Variants in GAB4 observed in about 807,000 individuals in gnomAD.
GAB4 encodes the protein GRB2-associated-binding protein 4.
A neutral mutation model predicts 51.3 loss-of-function variants in GAB4; 26 were observed. The observed-to-expected ratio is 0.51, with a 90% CI of 0.37 to 0.70. GAB4 has a LOEUF of 0.70. Ranked by LOEUF, GAB4 falls within the 30% of genes least tolerant of loss-of-function variation. GAB4 has a pLI of 0.00. For missense variants in GAB4, 759 were observed against 734.6 expected (o/e 1.03, Z -0.38); for synonymous variants, 329 against 291.2 (o/e 1.13, Z -1.32).
Position 16,965,381 on chromosome 22 carries a change from C to G in GAB4, c.1289-113G>C, listed in dbSNP as rs144881658. 3.7e-4 allele frequency: 284 copies of G among 775,924 alleles called. No individual in the cohort carries two copies. In the African/African-American group the frequency reaches 4.6e-3, roughly 12 times the overall value. 48.1% of individuals were successfully genotyped at this position (775,924 alleles called of 1,614,324 possible). On this transcript the variant is annotated intron_variant, in intron 6 of 9. Coordinates refer to ENST00000400588, the MANE Select transcript of GAB4 (RefSeq NM_001037814.1). ...GGCCCACCCCGTCCACCCAGTCCAC[C>G]CAGCTGTGTGCGGGGGACTGAGGCT...
Position 17,005,894 on chromosome 22 carries a change from G to A in GAB4, c.174+2047C>T, listed in dbSNP as rs143411295. ...GTCAAGATGGATTAAAGACTTAAAC[G>A]TAAGACCTAAAACCATAGAAACCTT... On this transcript the variant is annotated intron_variant, in intron 1 of 9. Coordinates refer to ENST00000400588, the MANE Select transcript of GAB4 (RefSeq NM_001037814.1). Among the ~76,000 whole-genome samples the A allele has an allele frequency of 2.6e-4, 39 of 152,242 alleles. No individual in the cohort carries two copies. The South Asian group carries it at 5.8e-3, about 23-fold the overall frequency.
intron 1 of GAB4, among the ~76,000 whole-genome samples, chr22:16,998,059 T>C (rs1171329849): frequency 1.3e-5 from 2 of 152,224 alleles, no homozygotes; most frequent in Non-Finnish European, 2.9e-5. Flanking sequence ...CCTTGTAGTA[T>C]AGTTTGAAGT....
At chr22:16,987,337 G>C (rs140217075) in intron 3 of GAB4, among the ~76,000 whole-genome samples, 50 of 152,310 alleles carry the variant, frequency 3.3e-4, no homozygotes, top group Non-Finnish European at 5.9e-4. Flanking sequence ...CCCTGTGTGA[G>C]AGCCAGTGGT....
chr22:17,002,793 T>C (rs1189138753), intron 1 of GAB4, among the ~76,000 whole-genome samples: 2 of 152,160 alleles, frequency 1.3e-5, no homozygotes, highest in African/African-American at 4.8e-5. Flanking sequence ...GACCTGTACA[T>C]TGTGCACACG....
chr22:16,962,558 G>A lies in GAB4; in HGVS notation c.*175C>T, dbSNP rs1440255656. On this transcript the variant is annotated 3_prime_UTR_variant, in exon 10 of 10. Transcript: ENST00000400588. ...CTGCTCCTAGCAAGGGGGTGAAGGT[G>A]GGGACCATGGCCAGCCAAAGGCACA... 2.1e-6 allele frequency: 1 copy of A among 481,008 alleles called. No individual in the cohort carries two copies. Among genetic ancestry groups the A allele is most frequent in the Non-Finnish European group, 3.5e-6 (1 of 282,840 alleles). 29.8% of individuals were successfully genotyped at this position (481,008 alleles called of 1,614,324 possible).
Position 16,964,752 on chromosome 22 carries a change from C to A in GAB4, c.1476+14G>T, listed in dbSNP as rs761783313. 2.3e-5 allele frequency: 36 copies of A among 1,568,296 alleles called. No individual in the cohort carries two copies. In the South Asian group the frequency reaches 3.2e-4, roughly 14 times the overall value. On this transcript the variant is annotated intron_variant, in intron 8 of 9. Transcript: ENST00000400588. ...ACTCTGATAGGAGCCTTACAGTGAC[C>A]CCCAAGGACTCACCGGGAAAAGATA...
chr22:16,981,767 G>T (rs187340138), intron 3 of GAB4, among the ~76,000 whole-genome samples: 124 of 152,162 alleles, frequency 8.1e-4, no homozygotes, highest in Admixed American at 1.4e-3. Flanking sequence ...CTCATCCTAT[G>T]AAGCACTATC....
At chr22:17,002,107 T>C (rs58051404) in intron 1 of GAB4, among the ~76,000 whole-genome samples, 2,487 of 152,222 alleles carry the variant, frequency 0.016, 68 homozygotes, top group African/African-American at 0.057. Context: ...CCCCTTGTGC[T>C]TCCCGGGTGA....
chr22:16,968,238 T>C (rs979287921), intron 5 of GAB4, 60 bp downstream of exon 5: 13 of 1,148,410 alleles, frequency 1.1e-5, no homozygotes, highest in Middle Eastern at 1.9e-4. Context: ...TTTAGTTCCA[T>C]GGAGTGTGAC....
chr22:16,980,354 T>G (rs1009456641), intron 3 of GAB4, among the ~76,000 whole-genome samples: 5 of 151,814 alleles, frequency 3.3e-5, no homozygotes, highest in African/African-American at 1.2e-4. Context: ...GGCCAAAGGA[T>G]AATAGACACT....
intron 1 of GAB4, among the ~76,000 whole-genome samples, chr22:16,997,495 T>A (rs1395834895): frequency 6.6e-6 from 1 of 152,158 alleles, no homozygotes; most frequent in Non-Finnish European, 1.5e-5. Context: ...GGTGTTGATT[T>A]TTTCTTGTAA....
At position 16,965,253 on chromosome 22, in the gene GAB4, G is replaced by A; in HGVS notation, c.1304C>T (p.Pro435Leu). The A allele has an allele frequency of 6.2e-7, 1 of 1,613,958 alleles. No homozygotes were observed. The highest frequency in any genetic ancestry group is 1.1e-5 in the South Asian group (1 of 91,050). The change falls in exon 7 of 10, where the codon CCC becomes CTC. Residue 435 changes from proline (P) to leucine (L), a missense_variant. By Grantham distance (98) the Pro-to-Leu change is moderately conservative. This residue lies in a region of GAB4 where 588 missense variants were observed against 510.2 expected (regional missense o/e 1.15). Coordinates refer to ENST00000400588, the MANE Select transcript of GAB4 (RefSeq NM_001037814.1). ...GATGACCCTGTTGTTTCTCAGGTTG[G>A]GCGGTGTTGGGTTGGCTGGAGCAGG... ...KPNQKANPTP[P>L]NLRNNRVINE...
At chr22:16,969,899 C>A in intron 4 of GAB4, 44 bp downstream of exon 4, 1 of 1,612,602 alleles carries the variant, frequency 6.2e-7, no homozygotes, top group Non-Finnish European at 8.5e-7. Flanking sequence ...GGCCCCCAAA[C>A]TCCTGGAACA....
intron 3 of GAB4, among the ~76,000 whole-genome samples, chr22:16,973,330 T>C (rs1202112631): frequency 6.6e-6 from 1 of 152,152 alleles, no homozygotes; most frequent in Non-Finnish European, 1.5e-5. Context: ...TGAATAAATG[T>C]TTGCTGAAGG....
At chr22:16,999,123 A>C (rs2123719863) in intron 1 of GAB4, among the ~76,000 whole-genome samples, 1 of 152,180 alleles carries the variant, frequency 6.6e-6, no homozygotes, top group East Asian at 1.9e-4. Context: ...TGTCTCTGCC[A>C]GGCTTTGGTA....
At chr22:16,971,510 T>C (rs2123659018) in intron 3 of GAB4, among the ~76,000 whole-genome samples, 1 of 152,330 alleles carries the variant, frequency 6.6e-6, no homozygotes, top group East Asian at 1.9e-4. Flanking sequence ...TTCTTCCCTA[T>C]CTTTTATATT....
intron 3 of GAB4, among the ~76,000 whole-genome samples, chr22:16,982,664 A>T (rs1372080886): frequency 6.6e-6 from 1 of 152,244 alleles, no homozygotes; most frequent in Admixed American, 6.5e-5. Context: ...TCTAAAATTT[A>T]TATGAAACCA....
At chr22:17,007,603 TG>T (rs1349746317) in intron 1 of GAB4, among the ~76,000 whole-genome samples, 2 of 145,310 alleles carry the variant, frequency 1.4e-5, no homozygotes, top group African/African-American at 5.2e-5. Context: ...TCTCAGGGCC[TG>T]GGAGGGAAGG....
chr22:17,007,195 G>A (rs2061047304), intron 1 of GAB4, among the ~76,000 whole-genome samples: 1 of 152,168 alleles, frequency 6.6e-6, no homozygotes, highest in African/African-American at 2.4e-5. Context: ...TATAATCATA[G>A]TGACTCCTAA....
Sources: allele counts gnomAD v4.1 joint callset (sites outside exome capture counted in the v4.1 genomes callset), GRCh38; gene constraint gnomAD v4.1.1; regional missense constraint gnomAD v4.1.1; transcripts MANE v1.5; gene names NCBI Gene and HGNC (gene_info 2026-07-23, HGNC 2026-07-21).